Variants in EPHA3 observed in about 807,000 individuals in gnomAD.
EPHA3 encodes the protein EPH receptor A3.
In EPHA3, 42 loss-of-function variants were observed where a neutral mutation model predicts 107.1. The observed-to-expected ratio is 0.39, with a 90% CI of 0.31 to 0.51. The LOEUF is 0.51. Among genes scored for constraint, EPHA3 ranks in the 20% least tolerant of loss-of-function variants. The probability of loss-of-function intolerance (pLI) is 0.78; values close to 1 mark genes in which losing one functional copy is unlikely to be tolerated. For missense variants in EPHA3, 1,183 were observed against 1,211.2 expected, an observed-to-expected ratio of 0.98 and a Z score of 0.35; for synonymous variants, 461 against 424.8, an observed-to-expected ratio of 1.09 and a Z score of -1.05.
intron 3 of EPHA3, among the ~76,000 whole-genome samples, chr3:89,321,674 G>T (rs1292978067): frequency 1.3e-5 from 2 of 152,018 alleles, no homozygotes. Context: ...GGGGACAAAA[G>T]AGCATATTTA....
At chr3:89,152,632 A>T (rs1704713463) in intron 2 of EPHA3, among the ~76,000 whole-genome samples, 2 of 152,122 alleles carry the variant, frequency 1.3e-5, no homozygotes, top group South Asian at 2.1e-4. Flanking sequence ...TATACTTTTT[A>T]AAAAGAACGT....
chr3:89,231,542 C>G (rs549190155), intron 3 of EPHA3, among the ~76,000 whole-genome samples: 4 of 152,038 alleles, frequency 2.6e-5, no homozygotes, highest in African/African-American at 7.3e-5. Flanking sequence ...TGTTTGTTTG[C>G]GTTTTGGACA....
chr3:89,393,109 A>G (rs1275501669), intron 5 of EPHA3, among the ~76,000 whole-genome samples: 1 of 152,208 alleles, frequency 6.6e-6, no homozygotes, highest in Admixed American at 6.5e-5. Context: ...TCTGAAATGC[A>G]GCCAGCACAA....
chr3:89,229,050 T>TA (rs1559610331), intron 3 of EPHA3, among the ~76,000 whole-genome samples: 1 of 152,004 alleles, frequency 6.6e-6, no homozygotes, highest in Non-Finnish European at 1.5e-5. Flanking sequence ...CTTTCCCTAT[T>TA]TTCTACAGAA....
intron 5 of EPHA3, among the ~76,000 whole-genome samples, chr3:89,347,923 A>T (rs1404259155): frequency 2.0e-5 from 3 of 151,104 alleles, no homozygotes; most frequent in African/African-American, 7.3e-5. Flanking sequence ...ACATTTATTG[A>T]TTTGTGTATA....
At position 89,472,456 on chromosome 3, in the gene EPHA3, T is replaced by C. The variant is rs760833675; in HGVS notation, c.2691-8T>C. 4 of 1,612,912 alleles carry C rather than the reference T, an allele frequency of 2.5e-6. No homozygotes were observed. The highest frequency in any genetic ancestry group is 2.7e-5 in the African/African-American group (2 of 75,004). ...ATCTGTCTCCCTTTGGTGTTTTTTT[T>C]CTTGCAGGCCATCAAACCTTCTTCT... On this transcript the variant is annotated splice_region_variant and splice_polypyrimidine_tract_variant and intron_variant, in intron 15 of 16. Coordinates refer to ENST00000336596, the MANE Select transcript of EPHA3 (RefSeq NM_005233.6).
intron 2 of EPHA3, among the ~76,000 whole-genome samples, chr3:89,128,501 T>G (rs2106978233): frequency 6.6e-6 from 1 of 152,216 alleles, no homozygotes; most frequent in South Asian, 2.1e-4. Flanking sequence ...AAACTAATCA[T>G]CTAAAAGTCA....
chr3:89,395,367 A>G (rs1054114011), intron 5 of EPHA3, among the ~76,000 whole-genome samples: 1 of 152,198 alleles, frequency 6.6e-6, no homozygotes, highest in Non-Finnish European at 1.5e-5. Flanking sequence ...TATGGATACC[A>G]TGGGACTCCT....
intron 3 of EPHA3, among the ~76,000 whole-genome samples, chr3:89,282,860 A>G (rs1055172978): frequency 1.3e-5 from 2 of 152,164 alleles, no homozygotes; most frequent in Non-Finnish European, 2.9e-5. Flanking sequence ...ACTGTGAGCC[A>G]TGATGATTAT....
chr3:89,460,840 T>C (rs1710219640), intron 15 of EPHA3, among the ~76,000 whole-genome samples: 1 of 138,796 alleles, frequency 7.2e-6, no homozygotes, highest in African/African-American at 2.7e-5. Context: ...TTTTTTTTTA[T>C]TATACTCTAA....
intron 2 of EPHA3, among the ~76,000 whole-genome samples, chr3:89,139,014 C>A (rs552540439): frequency 6.6e-6 from 1 of 151,556 alleles, no homozygotes; most frequent in Admixed American, 6.6e-5. Flanking sequence ...AAAGTACTCT[C>A]GCAGTAGAAG....
chr3:89,282,515 C>T (rs1292591622), intron 3 of EPHA3, among the ~76,000 whole-genome samples: 1 of 151,976 alleles, frequency 6.6e-6, no homozygotes, highest in Admixed American at 6.6e-5. Context: ...CCATCATCTT[C>T]CTACACATGG....
chr3:89,142,381 T>C (rs1438862894), intron 2 of EPHA3, among the ~76,000 whole-genome samples: 1 of 151,396 alleles, frequency 6.6e-6, no homozygotes, highest in Non-Finnish European at 1.5e-5. Flanking sequence ...GGCTGTTCCA[T>C]AGGAAGTGGC....
chr3:89,340,831 T>C, intron 3 of EPHA3, 85 bp from the exon 4 acceptor site: 1 of 1,310,160 alleles, frequency 7.6e-7, no homozygotes. Flanking sequence ...TATAATAAAT[T>C]CATATTCGAA....
At chr3:89,175,185 G>A (rs536889006) in intron 2 of EPHA3, among the ~76,000 whole-genome samples, 356 of 150,560 alleles carry the variant, frequency 2.4e-3, no homozygotes, top group African/African-American at 8.4e-3. Context: ...TTTATTTGAT[G>A]TGATCCAAAA....
At chr3:89,359,148 G>A (rs187817444) in intron 5 of EPHA3, among the ~76,000 whole-genome samples, 1 of 151,252 alleles carries the variant, frequency 6.6e-6, no homozygotes, top group Admixed American at 6.6e-5. Flanking sequence ...TAGTATGAAA[G>A]TGACTCCTTA....
At chr3:89,191,841 T>G (rs1214345097) in intron 2 of EPHA3, among the ~76,000 whole-genome samples, 2 of 152,190 alleles carry the variant, frequency 1.3e-5, no homozygotes, top group Non-Finnish European at 2.9e-5. Flanking sequence ...AACATTTTTC[T>G]TTATCAGCTT....
chr3:89,375,758 G>A (rs1708391422), intron 5 of EPHA3, among the ~76,000 whole-genome samples: 1 of 151,922 alleles, frequency 6.6e-6, no homozygotes, highest in South Asian at 2.1e-4. Context: ...AAATTCCAAA[G>A]GGATATTGTA....
In EPHA3 at chr3:89,450,341, C is replaced by T. The variant is rs769426720; in HGVS notation, c.2661C>T (p.Ser887=). The T allele has an allele frequency of 1.9e-6, 3 of 1,613,478 alleles. No homozygotes were observed. Among genetic ancestry groups the T allele is most frequent in the South Asian group, 2.2e-5 (2 of 90,912 alleles). Residue 887 remains serine, a synonymous_variant, in exon 15 of 17, where the codon AGC becomes AGT. Coordinates refer to ENST00000336596, the MANE Select transcript of EPHA3 (RefSeq NM_005233.6). The part of the protein sequence containing the change: ...ILDKLIRNPG[S]LKIITSAAAR... ...ACAAGCTTATCCGGAATCCCGGCAG[C>T]CTGAAGATCATCACCAGTGCAGCCG... is the stretch of plus-strand genomic sequence containing the variant.
Sources: gnomAD v4.1 joint callset for allele counts (sites outside exome capture counted in the v4.1 genomes callset) on GRCh38, gnomAD v4.1.1 for gene constraint, MANE v1.5 for transcripts, NCBI Gene and HGNC (gene_info 2026-07-23, HGNC 2026-07-21) for gene names.